The following WLS variants were observed in gnomAD, a reference collection of about 807,000 sequenced individuals.
The protein encoded by WLS is Wnt ligand secretion mediator.
A neutral mutation model predicts 62.8 loss-of-function variants in WLS; 23 were observed. The observed-to-expected ratio is 0.37, with a 90% CI of 0.26 to 0.52. WLS has a LOEUF of 0.52. Ranked by LOEUF, WLS falls within the 20% of genes least tolerant of loss-of-function variation. WLS has a pLI of 0.92. For missense variants in WLS, 615 were observed against 697.3 expected, an observed-to-expected ratio of 0.88 and a Z score of 1.33; for synonymous variants, 246 against 244.1, an observed-to-expected ratio of 1.01 and a Z score of -0.07.
intron 2 of WLS, chr1:68,183,621 G>A (rs1276127593): frequency 2.2e-6 from 1 of 456,112 alleles, no homozygotes; most frequent in Non-Finnish European, 4.4e-6. Flanking sequence ...AATGTGAGGG[G>A]TGAATTTGTA....
intron 10 of WLS, among the ~76,000 whole-genome samples, chr1:68,141,227 G>C (rs557327742): frequency 6.6e-6 from 1 of 152,260 alleles, no homozygotes; most frequent in African/African-American, 2.4e-5. Context: ...CATTTCCTCT[G>C]TAAGTAACAG....
chr1:68,160,242 T>C (rs945340100), intron 2 of WLS, among the ~76,000 whole-genome samples: 4 of 152,162 alleles, frequency 2.6e-5, no homozygotes, highest in African/African-American at 9.7e-5. Context: ...TTCCCTCCCT[T>C]GAACCAGGTC....
rs1646425849 is a variant in WLS at position 68,126,085 on chromosome 1, G to A, written c.*141C>T. On this transcript the variant is annotated 3_prime_UTR_variant, in exon 12 of 12. Coordinates refer to ENST00000262348, the MANE Select transcript of WLS (RefSeq NM_024911.7). Reference sequence around the variant, plus strand: ...ACCGTCAGAAGGCAAACTGACAAATGTCCATGCCGCTGGTCCAAGAAACCA... The same window carrying A: ...ACCGTCAGAAGGCAAACTGACAAATATCCATGCCGCTGGTCCAAGAAACCA... 6.9e-7 allele frequency: 1 copy of A among 1,449,840 alleles called. No individual in the cohort carries two copies. Among genetic ancestry groups the A allele is most frequent in the Non-Finnish European group, 9.1e-7 (1 of 1,097,306 alleles). The allele number at this position is 1,449,840 out of a possible 1,614,324, so 89.8% of individuals were successfully genotyped here. A position where few individuals can be genotyped will look rare whatever the true frequency, so the allele number is the denominator to read the frequency against.
At chr1:68,186,136 C>T (rs1647924066) in intron 2 of WLS, among the ~76,000 whole-genome samples, 1 of 152,142 alleles carries the variant, frequency 6.6e-6, no homozygotes, top group Non-Finnish European at 1.5e-5. Flanking sequence ...ATAATGCCAT[C>T]ATTTTTCTCC....
chr1:68,210,188 A>G (rs1445732447), intron 1 of WLS, among the ~76,000 whole-genome samples: 1 of 152,232 alleles, frequency 6.6e-6, no homozygotes, highest in African/African-American at 2.4e-5. Context: ...AGTAGAAACA[A>G]CAAACAGTAG....
intron 1 of WLS, among the ~76,000 whole-genome samples, chr1:68,201,307 C>T (rs986822090): frequency 1.3e-5 from 2 of 152,180 alleles, no homozygotes; most frequent in Non-Finnish European, 2.9e-5. Context: ...TTAGAATGAG[C>T]TCTTCAAAAA....
At chr1:68,218,240 T>A (rs1447066889) in intron 1 of WLS, among the ~76,000 whole-genome samples, 3 of 152,192 alleles carry the variant, frequency 2.0e-5, no homozygotes, top group Admixed American at 1.3e-4. Context: ...ATGGTGGATT[T>A]TTTTTTCTTT....
chr1:68,186,501 TAA>T (rs5774920), intron 2 of WLS: 659 of 352,718 alleles, frequency 1.9e-3, no homozygotes, highest in South Asian at 2.7e-3. Flanking sequence ...CACGAAAAGT[TAA>T]AAAAAAAAAA....
chr1:68,199,702 T>C (rs750230790), intron 1 of WLS, among the ~76,000 whole-genome samples: 9 of 152,146 alleles, frequency 5.9e-5, no homozygotes, highest in African/African-American at 1.9e-4. Context: ...CTGTACTCTA[T>C]AGAGCACCAT....
chr1:68,228,058 A>G (rs867904930), intron 1 of WLS, among the ~76,000 whole-genome samples: 32 of 152,208 alleles, frequency 2.1e-4, no homozygotes, highest in African/African-American at 7.7e-4. Flanking sequence ...TCCATGCACA[A>G]TTTGAGAAAA....
intron 11 of WLS, among the ~76,000 whole-genome samples, chr1:68,132,660 G>A (rs1327441159): frequency 6.6e-6 from 1 of 152,198 alleles, no homozygotes; most frequent in East Asian, 1.9e-4. Flanking sequence ...AACAGAAATA[G>A]GAGGGAATGG....
chr1:68,115,111 C>G (rs1271441127), intron 11 of WLS, among the ~76,000 whole-genome samples: 1 of 152,206 alleles, frequency 6.6e-6, no homozygotes, highest in Non-Finnish European at 1.5e-5. Flanking sequence ...CCACCACACC[C>G]GGTCATGGGT....
At chr1:68,180,027 G>A (rs1453681925) in intron 2 of WLS, among the ~76,000 whole-genome samples, 3 of 65,244 alleles carry the variant, frequency 4.6e-5, no homozygotes, top group Non-Finnish European at 1.2e-4. Flanking sequence ...GCTGAGGGAG[G>A]GGGAAGTTAA....
chr1:68,155,345 C>G, intron 3 of WLS, 85 bp from the exon 4 acceptor site: 2 of 1,471,030 alleles, frequency 1.4e-6, no homozygotes, highest in Non-Finnish European at 9.1e-7. Context: ...TCCATAACAT[C>G]AATTGTAAGC....
rs1429896621 is a variant in WLS, at chr1:68,126,220, A to T, written c.*6T>A. 1 of 1,614,010 alleles carries T rather than the reference A, an allele frequency of 6.2e-7. No individual in the cohort carries two copies. On this transcript the variant is annotated 3_prime_UTR_variant, in exon 12 of 12. Transcript: ENST00000262348. ...AGAGACCGTCCCAGCCGGGCGCTGC[A>T]GCCTCCTACTCCTGGGCCTCCTTGC...
chr1:68,132,320 G>C (rs990440038), intron 11 of WLS, among the ~76,000 whole-genome samples: 8 of 152,162 alleles, frequency 5.3e-5, no homozygotes, highest in African/African-American at 1.9e-4. Flanking sequence ...TTAGGGTCTG[G>C]GTCCAGCCCG....
chr1:68,112,888 AACAG>A (rs1181993460), intron 11 of WLS, among the ~76,000 whole-genome samples: 25 of 152,356 alleles, frequency 1.6e-4, no homozygotes, highest in African/African-American at 5.5e-4. Flanking sequence ...GACCAAAACA[AACAG>A]ACAAACTGTT....
At chr1:68,187,465 T>A (rs867508719) in intron 2 of WLS, among the ~76,000 whole-genome samples, 1 of 152,186 alleles carries the variant, frequency 6.6e-6, no homozygotes, top group African/African-American at 2.4e-5. Context: ...AGCATGAAGA[T>A]GTACATGAGA....
intron 2 of WLS, among the ~76,000 whole-genome samples, chr1:68,173,424 C>CTT (rs1165445140): frequency 6.6e-6 from 1 of 152,064 alleles, no homozygotes; most frequent in African/African-American, 2.4e-5. Context: ...CTCTCTCTCT[C>CTT]TCTCTCTCTG....
Sources: gnomAD v4.1 joint callset for allele counts (sites outside exome capture counted in the v4.1 genomes callset) on GRCh38, gnomAD v4.1.1 for gene constraint, MANE v1.5 for transcripts, NCBI Gene and HGNC (gene_info 2026-07-23, HGNC 2026-07-21) for gene names.